Variants in STK31 observed in about 807,000 individuals in gnomAD.
STK31 encodes serine/threonine kinase 31, also known as serine/threonine-protein kinase 31.
Under a neutral mutation model 129.7 loss-of-function variants are expected in STK31, and 89 were observed. The ratio of observed to expected loss-of-function variants is 0.69; its 90% CI spans 0.58 to 0.82. STK31 has a LOEUF of 0.82. Ranked by LOEUF, STK31 falls within the 40% of genes least tolerant of loss-of-function variation. The pLI is 0.00. For missense variants in STK31, 1,187 were observed against 1,176.4 expected, an observed-to-expected ratio of 1.01 and a Z score of -0.13; for synonymous variants, 448 against 395.3, an observed-to-expected ratio of 1.13 and a Z score of -1.58.
chr7:23,768,236 C>T (rs1425076559), intron 11 of STK31, among the ~76,000 whole-genome samples: 1 of 152,040 alleles, frequency 6.6e-6, no homozygotes, highest in South Asian at 2.1e-4. Context: ...TTATTCAGCA[C>T]AGTAACATGC....
chr7:23,775,362 G>A (rs985910035), intron 15 of STK31, among the ~76,000 whole-genome samples: 16 of 152,252 alleles, frequency 1.1e-4, no homozygotes, highest in Non-Finnish European at 2.4e-4. Context: ...AAAATTCTGT[G>A]CAGAAATTCA....
rs759744464 is a variant in STK31, at chr7:23,786,850, G to A, written c.2413G>A (p.Ala805Thr). 33 of 1,613,454 alleles carry A rather than the reference G, an allele frequency of 2.0e-5. No homozygotes were observed. The highest frequency in any genetic ancestry group is 2.7e-5 in the Non-Finnish European group (32 of 1,179,826). The change falls in exon 20 of 24, where the codon GCT becomes ACT. Residue 805 changes from alanine to threonine, a missense_variant. Ala to Thr is a moderately conservative substitution (Grantham distance 58, BLOSUM62 0). This residue lies in a region of STK31 where 975 missense variants were observed against 934.9 expected (regional missense o/e 1.04). Transcript: ENST00000355870. ...TTTTGCTTCTTAGTCTGATCCTATG[G>A]CTTATCTGATGGTCCCATACTACCC... is the stretch of plus-strand genomic sequence containing the variant. ...FLFLCKSDPM[A>T]YLMVPYYPRA...
intron 23 of STK31, among the ~76,000 whole-genome samples, chr7:23,825,123 A>G (rs1794048970): frequency 6.6e-6 from 1 of 152,144 alleles, no homozygotes; most frequent in African/African-American, 2.4e-5. Flanking sequence ...AAAATGAGTT[A>G]GGGAGGATTC....
chr7:23,791,532 G>T (rs1393622289), intron 22 of STK31, among the ~76,000 whole-genome samples: 3 of 152,104 alleles, frequency 2.0e-5, no homozygotes, highest in Non-Finnish European at 4.4e-5. Context: ...GATTACCTGG[G>T]TGACAAAATT....
Position 23,786,360 on chromosome 7 carries a change from A to G in STK31, c.2275-148A>G, listed in dbSNP as rs192962811. On this transcript the variant is annotated intron_variant, in intron 18 of 23. Transcript: ENST00000355870. Reference sequence around the variant, plus strand: ...TTCCTTTTCCAAATTATAGCATTCAAAGAAGATAGAAAAGTACTTATAAAA... The same window carrying G: ...TTCCTTTTCCAAATTATAGCATTCAGAGAAGATAGAAAAGTACTTATAAAA... 250 of 859,474 alleles carry G rather than the reference A, an allele frequency of 2.9e-4. 2 individuals are homozygous for G. The African/African-American group carries it at 3.6e-3, about 12-fold the overall frequency. 53.2% of individuals were successfully genotyped at this position (859,474 alleles called of 1,614,324 possible). A position where few individuals can be genotyped will look rare whatever the true frequency, so the allele number is the denominator to read the frequency against.
At chr7:23,728,941 T>C (rs1461354645) in intron 5 of STK31, 150 bp from the exon 6 acceptor site, 12 of 570,214 alleles carry the variant, frequency 2.1e-5, no homozygotes, top group Non-Finnish European at 2.7e-5. Context: ...TTGAAGATAT[T>C]AGAAATCTGT....
chr7:23,732,728 G>A (rs1402285386), intron 6 of STK31, among the ~76,000 whole-genome samples: 1 of 152,094 alleles, frequency 6.6e-6, no homozygotes, highest in Non-Finnish European at 1.5e-5. Context: ...TAGACAATAG[G>A]TTATTTCCAT....
At chr7:23,828,426 T>C (rs970896670) in intron 23 of STK31, among the ~76,000 whole-genome samples, 13 of 152,260 alleles carry the variant, frequency 8.5e-5, no homozygotes, top group African/African-American at 3.1e-4. Flanking sequence ...GTGTGCCGTT[T>C]GTTAAGCCCA....
chr7:23,736,911 T>C lies in STK31; in HGVS notation c.850T>C (p.Leu284=). Residue 284 remains leucine, a synonymous_variant, in exon 8 of 24, where the codon TTG becomes CTG. Transcript: ENST00000355870. ...GNLITFPKES[L]AVGDFNLGSN... ...ATGAATTTGTTTTTATAGGGAAAGT[T>C]TGGCTGTTGGTGACTTTAATTTAGG... 1 of 1,601,234 alleles carries C rather than the reference T, an allele frequency of 6.2e-7. No homozygotes were observed. Among genetic ancestry groups the C allele is most frequent in the Non-Finnish European group, 8.5e-7 (1 of 1,175,648 alleles).
rs200327597 is a variant in STK31, at chr7:23,736,941, A to C, written c.880A>C (p.Asn294His). The C allele has an allele frequency of 1.2e-6, 2 of 1,612,550 alleles. No homozygotes were observed. Among genetic ancestry groups the C allele is most frequent in the Non-Finnish European group, 1.7e-6 (2 of 1,179,512 alleles). ...LAVGDFNLGS[N>H]VSLEKIKQDQ... ...TGTTGGTGACTTTAATTTAGGGTCT[A>C]ACGTCAGCCTGGAAAAAATTAAGCA... Residue 294 changes from asparagine (N) to histidine (H), a missense_variant, in exon 8 of 24, where the codon AAC becomes CAC. Physicochemically the swap from Asn to His is moderately conservative, Grantham distance 68. This residue lies in a region of STK31 where 975 missense variants were observed against 934.9 expected (regional missense o/e 1.04). Transcript: ENST00000355870.
Position 23,832,350 on chromosome 7 carries a change from C to G in STK31, c.3044C>G (p.Ala1015Gly). The change falls in exon 24 of 24, where the codon GCC (alanine) becomes GGC (glycine). Residue 1015 changes from alanine (A) to glycine (G), a missense_variant. By Grantham distance (60) the Ala-to-Gly change is moderately conservative. This residue lies in a region of STK31 where 975 missense variants were observed against 934.9 expected (regional missense o/e 1.04). Transcript: ENST00000355870. ...ATGGAGAAGACAAGAAATGGTGAAG[C>G]CAACTTTGATTGTTAAATTATTATT... ...KCMEKTRNGE[A>G]NFDC 1 of 1,607,950 alleles carries G rather than the reference C, an allele frequency of 6.2e-7. No homozygotes were observed. Among genetic ancestry groups the G allele is most frequent in the Non-Finnish European group, 8.5e-7 (1 of 1,178,600 alleles).
At chr7:23,750,921 A>G (rs2128091765) in intron 8 of STK31, among the ~76,000 whole-genome samples, 1 of 152,312 alleles carries the variant, frequency 6.6e-6, no homozygotes. Flanking sequence ...TGAAATATAC[A>G]ATACATCATT....
rs1166894444 is a variant in STK31, at chr7:23,832,116, A to G, written c.2830-20A>G. The G allele has an allele frequency of 1.3e-6, 2 of 1,556,186 alleles. No homozygotes were observed. The highest frequency in any genetic ancestry group is 1.8e-6 in the Non-Finnish European group (2 of 1,129,326). Reference sequence around the variant, plus strand: ...TGTCCTTTTGTTCCTTTGTTTTGTAACACCTGTTTTTCCTTGCAGGATGAT... The same window carrying G: ...TGTCCTTTTGTTCCTTTGTTTTGTAGCACCTGTTTTTCCTTGCAGGATGAT... On this transcript the variant is annotated intron_variant, in intron 23 of 23. Coordinates refer to ENST00000355870, the MANE Select transcript of STK31 (RefSeq NM_031414.5).
chr7:23,786,446 G>T (rs1791287358), intron 18 of STK31, 62 bp from the exon 19 acceptor site: 1 of 1,428,204 alleles, frequency 7.0e-7, no homozygotes, highest in East Asian at 2.5e-5. Flanking sequence ...AAATTGGAAT[G>T]ATGTATAATT....
intron 11 of STK31, among the ~76,000 whole-genome samples, chr7:23,766,481 T>A (rs1789840377): frequency 6.6e-6 from 1 of 152,174 alleles, no homozygotes; most frequent in African/African-American, 2.4e-5. Context: ...CTCGAACTTC[T>A]GACCTCGAGT....
rs116412413 is a variant in STK31, at chr7:23,829,440, G to A, written c.2830-2696G>A. Among the ~76,000 whole-genome samples the A allele has an allele frequency of 1.4e-3, 216 of 152,200 alleles. 1 individual carries two copies. The highest frequency in any genetic ancestry group is 5.1e-3 in the African/African-American group (211 of 41,520). On this transcript the variant is annotated intron_variant, in intron 23 of 23. Transcript: ENST00000355870. Reference sequence around the variant, plus strand: ...TGTGATGGATCATGTCGCTGATTTGGGTGTGTTGAACCATCCTAGCATCCC... The same window carrying A: ...TGTGATGGATCATGTCGCTGATTTGAGTGTGTTGAACCATCCTAGCATCCC...
chr7:23,711,479 C>A (rs941210983), intron 1 of STK31, among the ~76,000 whole-genome samples: 1 of 150,774 alleles, frequency 6.6e-6, no homozygotes, highest in Non-Finnish European at 1.5e-5. Flanking sequence ...TCCTTCAACA[C>A]TTATGAATGG....
intron 20 of STK31, among the ~76,000 whole-genome samples, chr7:23,787,733 TA>T (rs1791370933): frequency 7.0e-6 from 1 of 142,424 alleles, no homozygotes; most frequent in African/African-American, 2.7e-5. Flanking sequence ...GCCCAAAAGG[TA>T]TGATTGTACA....
chr7:23,787,952 C>A, intron 20 of STK31, 28 bp from the exon 21 acceptor site: 1 of 1,480,350 alleles, frequency 6.8e-7, no homozygotes, highest in South Asian at 1.5e-5. Flanking sequence ...CCTACTTCCT[C>A]ACTTCTTTTA....
Sources: allele counts gnomAD v4.1 joint callset (sites outside exome capture counted in the v4.1 genomes callset), GRCh38; gene constraint gnomAD v4.1.1; regional missense constraint gnomAD v4.1.1; transcripts MANE v1.5; gene names NCBI Gene and HGNC (gene_info 2026-07-23, HGNC 2026-07-21).